Variants in ADAMTS3 observed in about 807,000 individuals in gnomAD.
The protein encoded by ADAMTS3 is A disintegrin and metalloproteinase with thrombospondin motifs 3.
ADAMTS3 carries 73 observed loss-of-function variants against 129.0 expected under a neutral mutation model. That is an observed-to-expected ratio of 0.57 (90% CI 0.47 to 0.69). The LOEUF (loss-of-function observed/expected upper bound fraction) is 0.69, where lower values mean the gene tolerates loss of function less well. Among genes scored for constraint, ADAMTS3 ranks in the 30% least tolerant of loss-of-function variants. The probability of loss-of-function intolerance (pLI) is 0.00; values close to 1 mark genes in which losing one functional copy is unlikely to be tolerated. For missense variants in ADAMTS3, 1,457 were observed against 1,514.5 expected (o/e 0.96, Z 0.63); for synonymous variants, 477 against 510.8 (o/e 0.93, Z 0.89).
In ADAMTS3 at chr4:72,401,584, A is replaced by AAG. The variant is rs1553912428; in HGVS notation, c.661+13230_661+13231insCT. 2.6e-4 allele frequency among the ~76,000 whole-genome samples: 37 copies of AAG among 141,808 alleles called. No homozygotes were observed. In the East Asian group the frequency reaches 5.8e-3, roughly 22 times the overall value. 93.0% of individuals were successfully genotyped at this position (141,808 alleles called of 152,430 possible). On this transcript the variant is annotated intron_variant, in intron 4 of 21. Coordinates refer to ENST00000286657, the MANE Select transcript of ADAMTS3 (RefSeq NM_014243.3). The stretch of plus-strand genomic sequence containing the variant: ...TCTGTCTCAAAAAAAAAAAAAAAAA[A>AAG]AAAAGAAAAGAAAAAAAAAGAGTGA...
chr4:72,307,533 T>C lies in ADAMTS3; in HGVS notation c.2180-1466A>G, dbSNP rs569724182. ...ATGTCTTTAATTAGTGGAGGGTTCA[T>C]GTTTATCAAAGTCTTGTTGTTTCAT... is the stretch of plus-strand genomic sequence containing the variant. On this transcript the variant is annotated intron_variant, in intron 15 of 21. Transcript: ENST00000286657. 3.9e-5 allele frequency among the ~76,000 whole-genome samples: 6 copies of C among 152,180 alleles called. No individual in the cohort carries two copies. In the South Asian group the frequency reaches 1.2e-3, roughly 32 times the overall value.
intron 4 of ADAMTS3, among the ~76,000 whole-genome samples, chr4:72,390,999 T>C (rs966435869): frequency 1.3e-5 from 2 of 151,866 alleles, no homozygotes; most frequent in Non-Finnish European, 2.9e-5. Flanking sequence ...CCCTAGATAA[T>C]TGTACTGATG....
chr4:72,323,361 TAGA>T (rs766023036), intron 5 of ADAMTS3, among the ~76,000 whole-genome samples: 5 of 152,198 alleles, frequency 3.3e-5, no homozygotes, highest in Admixed American at 1.3e-4. Flanking sequence ...AGTGCAGTGT[TAGA>T]AGGAGTCTAT....
At chr4:72,498,646 CTT>C (rs1411092921) in intron 3 of ADAMTS3, among the ~76,000 whole-genome samples, 2 of 151,278 alleles carry the variant, frequency 1.3e-5, no homozygotes, top group East Asian at 1.9e-4. Context: ...CTCTCTCTCT[CTT>C]TCTCACACGC....
At chr4:72,481,815 A>C (rs779779604) in intron 3 of ADAMTS3, among the ~76,000 whole-genome samples, 97 of 152,278 alleles carry the variant, frequency 6.4e-4, no homozygotes, top group Non-Finnish European at 1.2e-3. Flanking sequence ...GATTAGCTCA[A>C]AATGTAAATT....
chr4:72,521,732 C>A (rs78730719), intron 3 of ADAMTS3, among the ~76,000 whole-genome samples: 5,564 of 152,140 alleles, frequency 0.037, 125 homozygotes, highest in Non-Finnish European at 0.048. Flanking sequence ...TCAATAATAA[C>A]CTCTAATTTA....
intron 3 of ADAMTS3, among the ~76,000 whole-genome samples, chr4:72,488,875 T>A (rs1467189280): frequency 6.6e-6 from 1 of 151,854 alleles, no homozygotes; most frequent in African/African-American, 2.4e-5. Context: ...AACTTAGATC[T>A]CCAGAATGTA....
intron 15 of ADAMTS3, 100 bp from the exon 16 acceptor site, chr4:72,306,167 AGAGG>A: frequency 4.0e-6 from 3 of 749,706 alleles, no homozygotes; most frequent in Non-Finnish European, 6.2e-6. Context: ...TGCGTGCAGA[AGAGG>A]GCATCCATAA....
intron 4 of ADAMTS3, among the ~76,000 whole-genome samples, chr4:72,342,672 C>A (rs969454943): frequency 2.6e-5 from 4 of 151,916 alleles, no homozygotes; most frequent in African/African-American, 9.7e-5. Context: ...ACACCTGGCC[C>A]CAATTACTTC....
intron 3 of ADAMTS3, among the ~76,000 whole-genome samples, chr4:72,507,499 G>A (rs1401468204): frequency 1.3e-5 from 2 of 152,154 alleles, no homozygotes; most frequent in African/African-American, 4.8e-5. Context: ...TCTTGCTCTT[G>A]AAGCTTGGTT....
intron 4 of ADAMTS3, among the ~76,000 whole-genome samples, chr4:72,353,400 G>C (rs1720494154): frequency 6.6e-6 from 1 of 151,996 alleles, no homozygotes; most frequent in Admixed American, 6.6e-5. Flanking sequence ...ATATGGTTAT[G>C]GAGACACTGT....
At chr4:72,518,698 T>C (rs541652846) in intron 3 of ADAMTS3, among the ~76,000 whole-genome samples, 5 of 152,000 alleles carry the variant, frequency 3.3e-5, no homozygotes, top group Non-Finnish European at 7.4e-5. Flanking sequence ...TGGCAGATCT[T>C]CCTCTATCCT....
intron 4 of ADAMTS3, among the ~76,000 whole-genome samples, chr4:72,398,149 A>G (rs1578644541): frequency 6.6e-6 from 1 of 152,288 alleles, no homozygotes; most frequent in East Asian, 1.9e-4. Flanking sequence ...TCTGCGGAAA[A>G]CTATTTATAT....
intron 3 of ADAMTS3, among the ~76,000 whole-genome samples, chr4:72,515,121 T>C (rs894410504): frequency 6.6e-6 from 1 of 152,214 alleles, no homozygotes. Context: ...TTGCTGAGAA[T>C]GATGATTTCC....
chr4:72,496,766 T>A (rs13138791), intron 3 of ADAMTS3, among the ~76,000 whole-genome samples: 47 of 152,048 alleles, frequency 3.1e-4, no homozygotes, highest in Non-Finnish European at 1.2e-4. Flanking sequence ...CCTCCTCACT[T>A]TACATGGACT....
Position 72,518,035 on chromosome 4 carries a change from C to T in ADAMTS3, c.504+30443G>A, listed in dbSNP as rs189030256. On this transcript the variant is annotated intron_variant, in intron 3 of 21. Transcript: ENST00000286657. Reference sequence around the variant, plus strand: ...GTGTCCCAGAGATTCTGGTATGTTGCGTCTTTGTTCTCGTTGGTTTCAAAG... The same window carrying T: ...GTGTCCCAGAGATTCTGGTATGTTGTGTCTTTGTTCTCGTTGGTTTCAAAG... Among the ~76,000 whole-genome samples, 1,103 of 151,556 alleles carry T rather than the reference C, an allele frequency of 7.3e-3. 13 individuals are homozygous for T. The highest frequency in any genetic ancestry group is 0.023 in the African/African-American group (955 of 41,308).
chr4:72,356,523 C>T (rs887886824), intron 4 of ADAMTS3, among the ~76,000 whole-genome samples: 16 of 150,966 alleles, frequency 1.1e-4, no homozygotes, highest in South Asian at 2.1e-4. Context: ...TCCATAGACA[C>T]GTACAAAGTG....
intron 3 of ADAMTS3, among the ~76,000 whole-genome samples, chr4:72,533,073 A>G (rs1234096970): frequency 1.3e-5 from 2 of 152,180 alleles, no homozygotes; most frequent in African/African-American, 2.4e-5. Context: ...GTTACTTTAT[A>G]AACTTATAAT....
intron 3 of ADAMTS3, among the ~76,000 whole-genome samples, chr4:72,442,725 G>T (rs777913005): frequency 6.6e-6 from 1 of 151,836 alleles, no homozygotes; most frequent in Admixed American, 6.6e-5. Context: ...GGATTGCTCC[G>T]AATGGGAGCA....
Sources: allele counts gnomAD v4.1 joint callset (sites outside exome capture counted in the v4.1 genomes callset), GRCh38; gene constraint gnomAD v4.1.1; transcripts MANE v1.5; gene names NCBI Gene and HGNC (gene_info 2026-07-23, HGNC 2026-07-21).